The following SEMA5A variants were observed in gnomAD, a reference collection of about 807,000 sequenced individuals.
The protein encoded by SEMA5A is semaphorin 5A, also known as semaphorin-5A.
SEMA5A carries 55 observed loss-of-function variants against 135.5 expected under a neutral mutation model. The ratio of observed to expected loss-of-function variants is 0.41; its 90% CI spans 0.33 to 0.51. The LOEUF is 0.51. Among genes scored for constraint, SEMA5A ranks in the 20% least tolerant of loss-of-function variants. The probability of loss-of-function intolerance (pLI) is 0.37; values close to 1 mark genes in which losing one functional copy is unlikely to be tolerated. For missense variants in SEMA5A, 1,290 were observed against 1,419.9 expected (o/e 0.91, Z 1.47); for synonymous variants, 580 against 546.5 (o/e 1.06, Z -0.85).
At chr5:9,257,800 G>A (rs1408609371) in intron 5 of SEMA5A, among the ~76,000 whole-genome samples, 1 of 152,084 alleles carries the variant, frequency 6.6e-6, no homozygotes, top group East Asian at 1.9e-4. Flanking sequence ...CTACCAAGGG[G>A]CATCCATGGG....
At chr5:9,088,659 T>TATATATACACAC in intron 16 of SEMA5A, among the ~76,000 whole-genome samples, 5 of 112,876 alleles carry the variant, frequency 4.4e-5, no homozygotes, top group African/African-American at 8.5e-5. Context: ...TATATATATA[T>TATATATACACAC]ACACACACAC....
chr5:9,423,741 G>A (rs1757551280), intron 2 of SEMA5A, among the ~76,000 whole-genome samples: 1 of 152,344 alleles, frequency 6.6e-6, no homozygotes. Flanking sequence ...AATCCTTGCA[G>A]GGAATCACAC....
At chr5:9,267,416 G>C (rs1477111460) in intron 5 of SEMA5A, among the ~76,000 whole-genome samples, 2 of 152,116 alleles carry the variant, frequency 1.3e-5, no homozygotes, top group Non-Finnish European at 2.9e-5. Context: ...ACTTTAGGAA[G>C]TTCTTCCTTA....
chr5:9,196,425 T>C (rs10462863), intron 10 of SEMA5A, among the ~76,000 whole-genome samples: 13,444 of 152,196 alleles, frequency 0.088, 686 homozygotes, highest in African/African-American at 0.13. Context: ...CACCTGAAAA[T>C]GGCCCTGCTC....
chr5:9,056,730 A>C (rs1014756930), intron 18 of SEMA5A, among the ~76,000 whole-genome samples: 2 of 152,214 alleles, frequency 1.3e-5, no homozygotes, highest in Non-Finnish European at 2.9e-5. Flanking sequence ...CAAAATAAAA[A>C]AATGAAAATA....
At chr5:9,426,436 T>TC (rs1757657535) in intron 2 of SEMA5A, among the ~76,000 whole-genome samples, 1 of 136,238 alleles carries the variant, frequency 7.3e-6, no homozygotes, top group African/African-American at 2.9e-5. Flanking sequence ...AAAAAATAAA[T>TC]AAAATAAAAT....
chr5:9,131,971 CATT>C lies in SEMA5A; in HGVS notation c.1599+4530_1599+4532del, dbSNP rs904362373. On this transcript the variant is annotated intron_variant, in intron 13 of 22. Coordinates refer to ENST00000382496, the MANE Select transcript of SEMA5A (RefSeq NM_003966.3). ...AGACTATGCTACCCTTGTTAAACAA[CATT>C]ATGATTTATGCAGGACATATATATT... Among the ~76,000 whole-genome samples the C allele has an allele frequency of 1.6e-4, 24 of 152,272 alleles. No individual in the cohort carries two copies. The South Asian group carries it at 4.1e-3, about 26-fold the overall frequency.
intron 2 of SEMA5A, among the ~76,000 whole-genome samples, chr5:9,420,970 C>T (rs948830435): frequency 2.6e-5 from 4 of 152,160 alleles, no homozygotes; most frequent in Admixed American, 6.5e-5. Flanking sequence ...GAGTCGAGAT[C>T]GCGCCACTGC....
At chr5:9,443,996 C>T (rs985066901) in intron 1 of SEMA5A, among the ~76,000 whole-genome samples, 3 of 152,218 alleles carry the variant, frequency 2.0e-5, no homozygotes, top group African/African-American at 7.2e-5. Flanking sequence ...TACAGGCCAG[C>T]ACTGGCTGGG....
At chr5:9,156,068 ATGTATTTG>A (rs1384677432) in intron 11 of SEMA5A, among the ~76,000 whole-genome samples, 4 of 152,218 alleles carry the variant, frequency 2.6e-5, no homozygotes, top group Non-Finnish European at 4.4e-5. Flanking sequence ...AGGAAAGAGC[ATGTATTTG>A]TGTTCATGTA....
At chr5:9,221,521 C>A (rs1331326766) in intron 8 of SEMA5A, among the ~76,000 whole-genome samples, 1 of 151,864 alleles carries the variant, frequency 6.6e-6, no homozygotes, top group African/African-American at 2.4e-5. Flanking sequence ...CCAGGATGGT[C>A]TCGATCTCCT....
chr5:9,216,450 A>T (rs1579634280), intron 8 of SEMA5A, among the ~76,000 whole-genome samples: 1 of 152,282 alleles, frequency 6.6e-6, no homozygotes, highest in East Asian at 1.9e-4. Context: ...AATGAGAAGA[A>T]TATATGTCCT....
Position 9,472,247 on chromosome 5 carries a change from G to A in SEMA5A, c.-174-34395C>T, listed in dbSNP as rs568274678. Among the ~76,000 whole-genome samples the A allele has an allele frequency of 4.7e-4, 72 of 152,286 alleles. No individual in the cohort carries two copies. The South Asian group carries it at 0.013, about 28-fold the overall frequency. ...CTTCTCTAAAACTTGGCAGTGTGAG[G>A]TTTTGCTTTGCCTTTGGTTTTTCTT... On this transcript the variant is annotated intron_variant, in intron 1 of 22. Transcript: ENST00000382496.
chr5:9,513,077 A>ATATG (rs1554044111), intron 1 of SEMA5A, among the ~76,000 whole-genome samples: 1 of 147,706 alleles, frequency 6.8e-6, no homozygotes, highest in African/African-American at 2.5e-5. Flanking sequence ...TAATATATAT[A>ATATG]TATATATATG....
At chr5:9,223,348 T>C (rs944217791) in intron 8 of SEMA5A, among the ~76,000 whole-genome samples, 4 of 152,236 alleles carry the variant, frequency 2.6e-5, no homozygotes, top group Non-Finnish European at 4.4e-5. Flanking sequence ...ATTGAATATA[T>C]GTACACGTAT....
intron 5 of SEMA5A, among the ~76,000 whole-genome samples, chr5:9,252,051 T>C (rs2150490980): frequency 6.6e-6 from 1 of 152,322 alleles, no homozygotes; most frequent in Admixed American, 6.5e-5. Context: ...ACTCTTTCAG[T>C]GAATGAGTTG....
chr5:9,295,931 T>C (rs1751313927), intron 5 of SEMA5A, among the ~76,000 whole-genome samples: 1 of 152,192 alleles, frequency 6.6e-6, no homozygotes, highest in African/African-American at 2.4e-5. Flanking sequence ...CATCCAAATA[T>C]CACCCAATGC....
At chr5:9,516,503 A>C (rs1050674672) in intron 1 of SEMA5A, 3 of 151,418 alleles carry the variant, frequency 2.0e-5, no homozygotes, top group Admixed American at 6.6e-5. Flanking sequence ...CACTGGACAA[A>C]ATTTTAAAAT....
At chr5:9,389,520 A>G (rs922145045) in intron 2 of SEMA5A, among the ~76,000 whole-genome samples, 5 of 152,156 alleles carry the variant, frequency 3.3e-5, no homozygotes, top group African/African-American at 1.2e-4. Context: ...TCACTCAGAC[A>G]GCCAACTCAG....
Sources: gnomAD v4.1 joint callset for allele counts (sites outside exome capture counted in the v4.1 genomes callset) on GRCh38, gnomAD v4.1.1 for gene constraint, MANE v1.5 for transcripts, NCBI Gene and HGNC (gene_info 2026-07-23, HGNC 2026-07-21) for gene names.